The following PPM1E variants were observed in gnomAD, a reference collection of about 807,000 sequenced individuals.
PPM1E encodes the protein protein phosphatase 1E.
Under a neutral mutation model 65.9 loss-of-function variants are expected in PPM1E, and 20 were observed. The ratio of observed to expected loss-of-function variants is 0.30; its 90% CI spans 0.21 to 0.44. The LOEUF (loss-of-function observed/expected upper bound fraction) is 0.44. Ranked by LOEUF, PPM1E falls within the 20% of genes least tolerant of loss-of-function variation. PPM1E has a pLI of 1.00. For missense variants in PPM1E, 713 were observed against 953.1 expected, an observed-to-expected ratio of 0.75 and a Z score of 3.32; for synonymous variants, 352 against 374.9, an observed-to-expected ratio of 0.94 and a Z score of 0.70.
chr17:58,779,908 C>A lies in PPM1E; in HGVS notation c.464+23447C>A, dbSNP rs544210014. ...GTGTATCATGGCTGTCTTTTCAGATCAACATGTAAAGATTTACCTCATTCT... is the reference window on the plus strand; with the variant it reads ...GTGTATCATGGCTGTCTTTTCAGATAAACATGTAAAGATTTACCTCATTCT... On this transcript the variant is annotated intron_variant, in intron 1 of 6. Coordinates refer to ENST00000308249, the MANE Select transcript of PPM1E (RefSeq NM_014906.5). 3.3e-5 allele frequency among the ~76,000 whole-genome samples: 5 copies of A among 152,192 alleles called. No homozygotes were observed. In the South Asian group the frequency reaches 6.2e-4, roughly 19 times the overall value.
At chr17:58,775,955 G>C (rs1379383832) in intron 1 of PPM1E, among the ~76,000 whole-genome samples, 1 of 135,836 alleles carries the variant, frequency 7.4e-6, no homozygotes, top group East Asian at 2.2e-4. Context: ...AAAAAGAATA[G>C]TTGGATTTCA....
At chr17:58,864,639 C>T (rs1000987469) in intron 1 of PPM1E, among the ~76,000 whole-genome samples, 6 of 149,222 alleles carry the variant, frequency 4.0e-5, no homozygotes, top group African/African-American at 1.5e-4. Flanking sequence ...GACTCCATCT[C>T]AAAGAAAAAA....
At chr17:58,800,472 C>G (rs2050248630) in intron 1 of PPM1E, among the ~76,000 whole-genome samples, 1 of 151,824 alleles carries the variant, frequency 6.6e-6, no homozygotes, top group Non-Finnish European at 1.5e-5. Context: ...AATATTGTCT[C>G]TTCTGTTTTC....
intron 1 of PPM1E, among the ~76,000 whole-genome samples, chr17:58,877,440 T>G (rs937381530): frequency 6.6e-6 from 1 of 152,198 alleles, no homozygotes; most frequent in Non-Finnish European, 1.5e-5. Context: ...TTACAAAGAT[T>G]TATAGATTGC....
chr17:58,942,796 C>T (rs868649669), intron 1 of PPM1E, among the ~76,000 whole-genome samples: 5 of 150,650 alleles, frequency 3.3e-5, no homozygotes, highest in African/African-American at 9.8e-5. Context: ...GCACATTGTG[C>T]ACATGTACCC....
At chr17:58,934,109 A>AAG (rs1218275635) in intron 1 of PPM1E, among the ~76,000 whole-genome samples, 12 of 146,038 alleles carry the variant, frequency 8.2e-5, no homozygotes, top group African/African-American at 2.8e-4. Flanking sequence ...AAAAAAAAAA[A>AAG]GAGAGATGGA....
chr17:58,760,939 G>C (rs1169654573), intron 1 of PPM1E, among the ~76,000 whole-genome samples: 1 of 152,192 alleles, frequency 6.6e-6, no homozygotes, highest in Non-Finnish European at 1.5e-5. Flanking sequence ...GAGGGTTGCA[G>C]ATATGAAACT....
rs545309081 is a variant in PPM1E, at chr17:58,983,080, C to T, written c.*2049C>T. On this transcript the variant is annotated 3_prime_UTR_variant, in exon 7 of 7. Transcript: ENST00000308249. Reference sequence around the variant, plus strand: ...AGGGTAAAGGGAAAAAGTTACTACACATGCTAGGCTTTCTCAGTGGGGAAA... The same window carrying T: ...AGGGTAAAGGGAAAAAGTTACTACATATGCTAGGCTTTCTCAGTGGGGAAA... The T allele has an allele frequency of 3.5e-5, 22 of 622,802 alleles. No homozygotes were observed. The South Asian group carries it at 4.6e-4, about 13-fold the overall frequency. 38.6% of individuals were successfully genotyped at this position (622,802 alleles called of 1,614,324 possible).
chr17:58,942,573 C>T lies in PPM1E; in HGVS notation c.465-13076C>T, dbSNP rs115454326. ...TGTACACAAGCATCCTGCTCTCAGA[C>T]GACAACATTCTGCCCTAGATTTTGT... On this transcript the variant is annotated intron_variant, in intron 1 of 6. Transcript: ENST00000308249. Among the ~76,000 whole-genome samples, 791 of 152,196 alleles carry T rather than the reference C, an allele frequency of 5.2e-3. 5 individuals carry two copies. The highest frequency in any genetic ancestry group is 0.018 in the African/African-American group (727 of 41,522).
intron 1 of PPM1E, among the ~76,000 whole-genome samples, chr17:58,921,665 A>C (rs1438966190): frequency 2.2e-5 from 3 of 133,440 alleles, no homozygotes; most frequent in Non-Finnish European, 4.7e-5. Context: ...ACTCTATCTC[A>C]AAAAAAAAAA....
intron 1 of PPM1E, among the ~76,000 whole-genome samples, chr17:58,805,949 T>TAAAAAAAAAAAAAAAAAAAAAAA (rs1163979989): frequency 3.7e-4 from 8 of 21,662 alleles, no homozygotes; most frequent in Non-Finnish European, 6.2e-4. Context: ...GCTGTTCTGC[T>TAAAAAAAAAAAAAAAAAAAAAAA]AAAAAAAAAA....
intron 1 of PPM1E, among the ~76,000 whole-genome samples, chr17:58,804,746 C>G (rs1218038983): frequency 6.6e-6 from 1 of 151,792 alleles, no homozygotes; most frequent in East Asian, 1.9e-4. Flanking sequence ...AAATTAAGTT[C>G]ATTTTATTTT....
rs571025830 is a variant in PPM1E, at chr17:58,781,430, C to T, written c.464+24969C>T. Among the ~76,000 whole-genome samples the T allele has an allele frequency of 4.6e-5, 7 of 152,062 alleles. No individual in the cohort carries two copies. In the South Asian group the frequency reaches 1.5e-3, roughly 32 times the overall value. On this transcript the variant is annotated intron_variant, in intron 1 of 6. Transcript: ENST00000308249. The stretch of plus-strand genomic sequence containing the variant: ...TTCTAGGATTATAGTTGTCAGCCAC[C>T]GTGCCTGGCCCAAAAGTGCAGATTT...
chr17:58,825,864 G>A (rs561140217), intron 1 of PPM1E, among the ~76,000 whole-genome samples: 2 of 152,006 alleles, frequency 1.3e-5, no homozygotes, highest in Non-Finnish European at 2.9e-5. Context: ...GCCACCGCAC[G>A]CAGCCCCATT....
chr17:58,794,327 C>G (rs2050185835), intron 1 of PPM1E, among the ~76,000 whole-genome samples: 1 of 152,136 alleles, frequency 6.6e-6, no homozygotes, highest in Non-Finnish European at 1.5e-5. Context: ...ATCCTCCTGC[C>G]TCGGCCTCCC....
chr17:58,832,413 G>A (rs1598599400), intron 1 of PPM1E, among the ~76,000 whole-genome samples: 1 of 152,120 alleles, frequency 6.6e-6, no homozygotes, highest in South Asian at 2.1e-4. Context: ...GCAAAGGGAA[G>A]AGTTTCTCAG....
chr17:58,837,322 C>CAT (rs2050671302), intron 1 of PPM1E, among the ~76,000 whole-genome samples: 2 of 65,608 alleles, frequency 3.0e-5, no homozygotes, highest in African/African-American at 8.4e-5. Flanking sequence ...ATGAGAATAA[C>CAT]ACACACACAT....
At chr17:58,789,531 C>T (rs2050135736) in intron 1 of PPM1E, among the ~76,000 whole-genome samples, 1 of 152,096 alleles carries the variant, frequency 6.6e-6, no homozygotes, top group South Asian at 2.1e-4. Flanking sequence ...GTGAGGTAAT[C>T]CCAGGAGCTC....
In PPM1E at chr17:58,851,934, C is replaced by T. The variant is rs571627406; in HGVS notation, c.464+95473C>T. On this transcript the variant is annotated intron_variant, in intron 1 of 6. Transcript: ENST00000308249. ...CGGCTGCGGTGGGCTCCACCCAGTT[C>T]AAGCTTCCCAGCCACTTTGTTTACC... 1.0e-3 allele frequency among the ~76,000 whole-genome samples: 154 copies of T among 152,302 alleles called. 2 individuals carry two copies. The highest frequency in any genetic ancestry group is 3.7e-3 in the African/African-American group (152 of 41,550).
Sources: gnomAD v4.1 joint callset for allele counts (sites outside exome capture counted in the v4.1 genomes callset) on GRCh38, gnomAD v4.1.1 for gene constraint, MANE v1.5 for transcripts, NCBI Gene and HGNC (gene_info 2026-07-23, HGNC 2026-07-21) for gene names.